GTF2F2: variants seen among roughly 807,000 people sequenced by gnomAD.
GTF2F2 encodes general transcription factor IIF subunit 2, also known as ATP-dependent helicase GTF2F2.
A neutral mutation model predicts 42.2 loss-of-function variants in GTF2F2; 23 were observed. The ratio of observed to expected loss-of-function variants is 0.55; its 90% CI spans 0.39 to 0.77. The LOEUF (loss-of-function observed/expected upper bound fraction) is 0.77. Among genes scored for constraint, GTF2F2 ranks in the 30% least tolerant of loss-of-function variants. GTF2F2 has a pLI of 0.00. For synonymous variants in GTF2F2, 105 were observed against 100.8 expected (o/e 1.04, Z -0.25); for missense variants, 261 against 287.2 (o/e 0.91, Z 0.66).
At chr13:45,248,829 T>C (rs1232522516) in intron 5 of GTF2F2, among the ~76,000 whole-genome samples, 1 of 152,216 alleles carries the variant, frequency 6.6e-6, no homozygotes, top group Non-Finnish European at 1.5e-5. Context: ...GTAGCCTGGC[T>C]GTATCTAAGT....
intron 1 of GTF2F2, among the ~76,000 whole-genome samples, chr13:45,120,988 G>C (rs1868601377): frequency 6.6e-6 from 1 of 152,128 alleles, no homozygotes; most frequent in Non-Finnish European, 1.5e-5. Context: ...ATCTTGTCTT[G>C]GTGTCCCCAG....
chr13:45,194,642 C>T (rs12877778), intron 4 of GTF2F2: 24,629 of 1,309,156 alleles, frequency 0.019, 292 homozygotes, highest in Non-Finnish European at 0.024. Flanking sequence ...CACACAAGCA[C>T]GCCTTTATTC....
chr13:45,182,153 G>A (rs767934915), intron 4 of GTF2F2, among the ~76,000 whole-genome samples: 3 of 151,986 alleles, frequency 2.0e-5, no homozygotes, highest in Admixed American at 6.5e-5. Context: ...CTTTCCTAGT[G>A]TTGTTTATTT....
intron 6 of GTF2F2, among the ~76,000 whole-genome samples, chr13:45,253,811 C>T (rs1875975600): frequency 6.6e-6 from 1 of 152,180 alleles, no homozygotes; most frequent in South Asian, 2.1e-4. Flanking sequence ...CGCGGTGGCT[C>T]ACGCCTGTAA....
intron 3 of GTF2F2, among the ~76,000 whole-genome samples, chr13:45,150,485 A>T (rs1870431919): frequency 6.6e-6 from 1 of 151,638 alleles, no homozygotes; most frequent in Non-Finnish European, 1.5e-5. Context: ...AGTTCACTTC[A>T]TCCCCCCCAT....
At chr13:45,182,579 A>G (rs972808595) in intron 4 of GTF2F2, among the ~76,000 whole-genome samples, 1 of 152,122 alleles carries the variant, frequency 6.6e-6, no homozygotes, top group African/African-American at 2.4e-5. Context: ...AGAGTTTACT[A>G]TATCTCAAAA....
At chr13:45,207,226 C>G (rs978209988) in intron 4 of GTF2F2, 198 bp from the exon 5 acceptor site, 11 of 489,226 alleles carry the variant, frequency 2.2e-5, no homozygotes, top group African/African-American at 3.8e-5. Context: ...ACAAATCTGA[C>G]AGGAGCCCAG....
chr13:45,254,398 T>A (rs1032341639), intron 6 of GTF2F2, among the ~76,000 whole-genome samples: 11 of 152,242 alleles, frequency 7.2e-5, no homozygotes, highest in Non-Finnish European at 1.6e-4. Flanking sequence ...ATTTCAAGAC[T>A]TTTTTATTGT....
At chr13:45,130,288 G>T (rs556126484) in intron 1 of GTF2F2, among the ~76,000 whole-genome samples, 2 of 152,202 alleles carry the variant, frequency 1.3e-5, no homozygotes, top group Non-Finnish European at 2.9e-5. Context: ...AGTTTCTGCA[G>T]TTGCAAAATA....
At chr13:45,216,412 G>A (rs1410179880) in intron 5 of GTF2F2, among the ~76,000 whole-genome samples, 1 of 152,136 alleles carries the variant, frequency 6.6e-6, no homozygotes, top group South Asian at 2.1e-4. Context: ...TCTTCTGCCT[G>A]GTCTCTTGTG....
intron 5 of GTF2F2, among the ~76,000 whole-genome samples, chr13:45,229,655 A>G (rs1038331881): frequency 6.6e-6 from 1 of 152,196 alleles, no homozygotes; most frequent in Admixed American, 6.5e-5. Flanking sequence ...AAAGATGGTG[A>G]AGGCCAGATG....
intron 1 of GTF2F2, chr13:45,123,207 G>A (rs1156675701): frequency 1.3e-5 from 2 of 152,366 alleles, no homozygotes; most frequent in African/African-American, 2.4e-5. Context: ...CTCCATGTAT[G>A]TCCCTCCCGA....
intron 1 of GTF2F2, among the ~76,000 whole-genome samples, chr13:45,126,111 C>T (rs957243179): frequency 6.6e-6 from 1 of 152,116 alleles, no homozygotes; most frequent in Non-Finnish European, 1.5e-5. Context: ...ATCTGGGTGT[C>T]ACATCATGAT....
chr13:45,226,882 C>G lies in GTF2F2; in HGVS notation c.386+19377C>G, dbSNP rs190476327. Among the ~76,000 whole-genome samples, 45 of 152,172 alleles carry G rather than the reference C, an allele frequency of 3.0e-4. 1 individual carries two copies. Among genetic ancestry groups the G allele is most frequent in the African/African-American group, 1.0e-3 (42 of 41,530 alleles). On this transcript the variant is annotated intron_variant, in intron 5 of 7. Transcript: ENST00000340473. ...TTTTGTTGCTATTGTAAATGTGTTT[C>G]TTTAAAAAATACAAGCCTGGGCAAC...
In GTF2F2 at chr13:45,212,546, C is replaced by CTCTCTCTT. The variant is rs1390620475; in HGVS notation, c.386+5053_386+5060dup. 2.7e-5 allele frequency among the ~76,000 whole-genome samples: 4 copies of CTCTCTCTT among 145,718 alleles called. No homozygotes were observed. The East Asian group carries it at 8.0e-4, about 29-fold the overall frequency. ...TCTTTCTCTCTTTCTCACTTTCTCTCTCTCTCTTTCTCTCTTTCTTTCTTT... is the reference window on the plus strand; with the variant it reads ...TCTTTCTCTCTTTCTCACTTTCTCTCTCTCTCTTTCTCTCTTTCTCTCTTTCTTTCTTT... On this transcript the variant is annotated intron_variant, in intron 5 of 7. Coordinates refer to ENST00000340473, the MANE Select transcript of GTF2F2 (RefSeq NM_004128.3).
At chr13:45,230,897 T>G (rs949091761) in intron 5 of GTF2F2, among the ~76,000 whole-genome samples, 5 of 151,838 alleles carry the variant, frequency 3.3e-5, no homozygotes, top group South Asian at 2.1e-4. Flanking sequence ...TAAGTTTGGG[T>G]TTTTTTTAGT....
chr13:45,215,653 C>G (rs901785963), intron 5 of GTF2F2, among the ~76,000 whole-genome samples: 1 of 151,104 alleles, frequency 6.6e-6, no homozygotes, highest in Non-Finnish European at 1.5e-5. Flanking sequence ...CCCAACTACT[C>G]GGGAGGCTGA....
At chr13:45,125,758 G>A (rs1868963135) in intron 1 of GTF2F2, among the ~76,000 whole-genome samples, 1 of 152,210 alleles carries the variant, frequency 6.6e-6, no homozygotes, top group South Asian at 2.1e-4. Flanking sequence ...GCATGTCATA[G>A]ATTGGGTTCC....
chr13:45,155,543 T>C (rs574421039), intron 4 of GTF2F2, among the ~76,000 whole-genome samples: 1 of 152,218 alleles, frequency 6.6e-6, no homozygotes, highest in South Asian at 2.1e-4. Context: ...GCACACTGGG[T>C]ATCTTTTAGG....
Sources: allele counts gnomAD v4.1 joint callset (sites outside exome capture counted in the v4.1 genomes callset), GRCh38; gene constraint gnomAD v4.1.1; transcripts MANE v1.5; gene names NCBI Gene and HGNC (gene_info 2026-07-23, HGNC 2026-07-21).